YBEY: variants seen among roughly 807,000 people sequenced by gnomAD.
The protein encoded by YBEY is endoribonuclease YbeY.
YBEY carries 15 observed loss-of-function variants against 13.5 expected under a neutral mutation model. The ratio of observed to expected loss-of-function variants is 1.11; its 90% CI spans 0.75 to 1.72. YBEY has a LOEUF of 1.72. Among genes scored for constraint, YBEY ranks in the 40% most tolerant of loss-of-function variants. YBEY has a pLI of 0.00. For missense variants in YBEY, 244 were observed against 208.4 expected (o/e 1.17, Z -1.05); for synonymous variants, 101 against 83.1 (o/e 1.21, Z -1.17).
At chr21:46,297,026 C>A (rs980465407) in intron 4 of YBEY, among the ~76,000 whole-genome samples, 3 of 151,874 alleles carry the variant, frequency 2.0e-5, no homozygotes, top group Admixed American at 2.0e-4. Context: ...TGGCCAGGCG[C>A]AGTGGCTCAC....
At chr21:46,308,599 G>GA in the YBEY span, among the ~76,000 whole-genome samples, 1 of 152,206 alleles carries the variant, frequency 6.6e-6, no homozygotes, top group Admixed American at 6.5e-5. Context: ...GCGAAAACAA[G>GA]AAGCAACCCA....
At chr21:46,299,243 T>C (rs2082049942), downstream of YBEY, among the ~76,000 whole-genome samples, 1 of 152,122 alleles carries the variant, frequency 6.6e-6, no homozygotes, top group Middle Eastern at 3.2e-3. Flanking sequence ...GCTGACATTA[T>C]AGGTGTGAGC....
intron 3 of YBEY, among the ~76,000 whole-genome samples, chr21:46,295,456 C>G (rs2081919532): frequency 6.6e-6 from 1 of 152,042 alleles, no homozygotes; most frequent in Non-Finnish European, 1.5e-5. Flanking sequence ...TGGTGCTGTG[C>G]CTGCTCAGGG....
intron 4 of YBEY, 79 bp from the exon 5 acceptor site, chr21:46,297,460 G>T (rs2081990776): frequency 7.9e-7 from 1 of 1,260,458 alleles, no homozygotes; most frequent in Non-Finnish European, 1.0e-6. Flanking sequence ...TGTGGGAGGG[G>T]CATCCCGAGG....
In YBEY at chr21:46,287,259, G is replaced by A. The variant is rs146828524; in HGVS notation, c.210+136G>A. On this transcript the variant is annotated intron_variant, in intron 2 of 4. Transcript: ENST00000397701. ...CACCCAGGCTGGAGTGCAGTGGTGC[G>A]ATCTCGGCTCACTGCAACCTCCCTT... The A allele has an allele frequency of 9.7e-4, 811 of 837,034 alleles. 5 individuals carry two copies. In the African/African-American group the frequency reaches 0.012, roughly 13 times the overall value. The allele number at this position is 837,034 out of a possible 1,614,324, so 51.9% of individuals were successfully genotyped here.
At chr21:46,302,030 G>A (rs753140275), downstream of YBEY, 4 of 1,536,958 alleles carry the variant, frequency 2.6e-6, no homozygotes, top group Admixed American at 2.0e-5. Flanking sequence ...CAGGCTGGGG[G>A]CGGGCTGGAG....
chr21:46,299,970 A>G (rs940562690), downstream of YBEY, among the ~76,000 whole-genome samples: 4 of 150,516 alleles, frequency 2.7e-5, no homozygotes, highest in African/African-American at 9.8e-5. Context: ...GTGTGACCCC[A>G]CCCCTCCTGC....
intron 4 of YBEY, 21 bp from the exon 5 acceptor site, chr21:46,297,518 A>G: frequency 1.5e-6 from 2 of 1,361,814 alleles, no homozygotes; most frequent in Non-Finnish European, 1.9e-6. Context: ...GGGGAGGGCC[A>G]GCGCGCTTCC....
chr21:46,295,250 C>T (rs1160997259), intron 3 of YBEY, among the ~76,000 whole-genome samples: 1 of 152,092 alleles, frequency 6.6e-6, no homozygotes, highest in Non-Finnish European at 1.5e-5. Flanking sequence ...ACCCCATCCT[C>T]ATAGCCACAG....
chr21:46,295,725 C>CCT (rs34495570), intron 3 of YBEY, among the ~76,000 whole-genome samples: 128,047 of 151,844 alleles, frequency 0.84, 54,625 homozygotes, highest in African/African-American at 0.92. Flanking sequence ...GAGGCCCCAT[C>CCT]CTGACTGGGG....
the YBEY span, chr21:46,313,023 C>T: frequency 1.0e-6 from 1 of 985,338 alleles, no homozygotes; most frequent in African/African-American, 1.7e-5. Context: ...GCTGCCTGGC[C>T]TTGTCCCTTC....
At chr21:46,294,882 G>A (rs1049270793) in intron 3 of YBEY, among the ~76,000 whole-genome samples, 16 of 148,442 alleles carry the variant, frequency 1.1e-4, no homozygotes, top group African/African-American at 3.4e-4. Flanking sequence ...AAGTGCATCT[G>A]TGTGGCTTGA....
chr21:46,296,320 C>T, intron 4 of YBEY, 90 bp downstream of exon 4: 3 of 1,456,314 alleles, frequency 2.1e-6, no homozygotes, highest in Admixed American at 1.8e-5. Context: ...TCCATCTTGA[C>T]CGCCCCCGCA....
chr21:46,287,653 C>T (rs553750369), intron 2 of YBEY, among the ~76,000 whole-genome samples: 1 of 152,098 alleles, frequency 6.6e-6, no homozygotes, highest in South Asian at 2.1e-4. Flanking sequence ...TGATCGAGGC[C>T]CATCACCCAG....
At chr21:46,292,555 C>T (rs1425159148) in intron 3 of YBEY, among the ~76,000 whole-genome samples, 4 of 148,888 alleles carry the variant, frequency 2.7e-5, no homozygotes, top group African/African-American at 5.0e-5. Flanking sequence ...GGGACAGCCA[C>T]GCAAGTTAAA....
At chr21:46,311,990 T>TCCACCCATCCAC in the YBEY span, among the ~76,000 whole-genome samples, 3 of 30,186 alleles carry the variant, frequency 9.9e-5, no homozygotes, top group African/African-American at 1.4e-4. Flanking sequence ...CATCCACCCA[T>TCCACCCATCCAC]CCACCCATCC....
downstream of YBEY, chr21:46,300,689 T>C (rs2082079601): frequency 7.8e-7 from 1 of 1,283,596 alleles, no homozygotes; most frequent in South Asian, 1.2e-5. Flanking sequence ...TGCAGCTCAG[T>C]GGCAACTCTC....
rs368616121 is a variant in YBEY at position 46,291,638 on chromosome 21, A to G, written c.339+176A>G. Reference sequence around the variant, plus strand: ...AGGCTGGGTAGGGACTGCATGCCCCATGCCACAGTTGAAGGAGGGAGAGAA... The same window carrying G: ...AGGCTGGGTAGGGACTGCATGCCCCGTGCCACAGTTGAAGGAGGGAGAGAA... On this transcript the variant is annotated intron_variant, in intron 3 of 4. Transcript: ENST00000397701. 12 of 1,408,850 alleles carry G rather than the reference A, an allele frequency of 8.5e-6. 1 individual carries two copies. In the Admixed American group the frequency reaches 1.6e-4, roughly 19 times the overall value. 87.3% of individuals were successfully genotyped at this position (1,408,850 alleles called of 1,614,324 possible).
At chr21:46,286,706 C>T (rs1301988093) in intron 1 of YBEY, 164 bp from the exon 2 acceptor site, 5 of 523,634 alleles carry the variant, frequency 9.5e-6, no homozygotes, top group Non-Finnish European at 1.7e-5. Flanking sequence ...CGGCATCCTT[C>T]CATAGACCCT....
Sources: gnomAD v4.1 joint callset for allele counts (sites outside exome capture counted in the v4.1 genomes callset) on GRCh38, gnomAD v4.1.1 for gene constraint, MANE v1.5 for transcripts, NCBI Gene and HGNC (gene_info 2026-07-23, HGNC 2026-07-21) for gene names.